ATP10B: variants seen among roughly 807,000 people sequenced by gnomAD.
The protein encoded by ATP10B is phospholipid-transporting ATPase VB.
A neutral mutation model predicts 141.2 loss-of-function variants in ATP10B; 122 were observed. The observed-to-expected ratio is 0.86, with a 90% CI of 0.75 to 1.00. The LOEUF (loss-of-function observed/expected upper bound fraction) is 1.00, where lower values mean the gene tolerates loss of function less well. Among genes scored for constraint, ATP10B ranks in the 50% least tolerant of loss-of-function variants. ATP10B has a pLI of 0.00. For missense variants in ATP10B, 1,876 were observed against 1,825.3 expected (o/e 1.03, Z -0.51); for synonymous variants, 685 against 692.0 (o/e 0.99, Z 0.16).
chr5:160,728,270 C>T (rs910850133), intron 2 of ATP10B, among the ~76,000 whole-genome samples: 2 of 152,068 alleles, frequency 1.3e-5, no homozygotes, highest in African/African-American at 4.8e-5. Context: ...TGCCTGAAAA[C>T]CTATTTGGAA....
chr5:160,928,015 CAG>C, the ATP10B span, among the ~76,000 whole-genome samples: 59,642 of 151,792 alleles, frequency 0.39, 11,860 homozygotes, highest in East Asian at 0.54. Context: ...GAGAAGGAAA[CAG>C]AGCAACAGCC....
intron 6 of ATP10B, among the ~76,000 whole-genome samples, chr5:160,678,111 C>A (rs892428323): frequency 2.0e-5 from 3 of 152,144 alleles, no homozygotes; most frequent in Non-Finnish European, 2.9e-5. Context: ...GACAGTTTTG[C>A]TGAATTCAGA....
chr5:160,673,348 C>G (rs1428033414), intron 6 of ATP10B, among the ~76,000 whole-genome samples: 1 of 152,092 alleles, frequency 6.6e-6, no homozygotes, highest in Non-Finnish European at 1.5e-5. Context: ...TTCGTACAGG[C>G]ATGCAATGTG....
chr5:160,617,256 C>T (rs1190286609), intron 16 of ATP10B, among the ~76,000 whole-genome samples: 1 of 152,228 alleles, frequency 6.6e-6, no homozygotes, highest in African/African-American at 2.4e-5. Flanking sequence ...GCCTGCCTTG[C>T]AGAAGTTGCA....
chr5:160,715,523 C>G (rs1765573186), intron 3 of ATP10B, among the ~76,000 whole-genome samples: 1 of 146,186 alleles, frequency 6.8e-6, no homozygotes, highest in Admixed American at 6.8e-5. Flanking sequence ...CTGGCACTCC[C>G]TAGTGAGATG....
At chr5:160,748,022 C>T (rs1174330273) in intron 2 of ATP10B, among the ~76,000 whole-genome samples, 3 of 143,888 alleles carry the variant, frequency 2.1e-5, no homozygotes, top group African/African-American at 7.8e-5. Context: ...AAAAAGCGGC[C>T]GGGGTTGTGG....
chr5:160,824,502 C>G (rs1026953491), intron 1 of ATP10B, among the ~76,000 whole-genome samples: 1 of 152,126 alleles, frequency 6.6e-6, no homozygotes, highest in Admixed American at 6.5e-5. Context: ...AATGGGCCAA[C>G]AATCTGAGAA....
At chr5:160,754,248 A>C (rs1768357021) in intron 2 of ATP10B, among the ~76,000 whole-genome samples, 1 of 152,188 alleles carries the variant, frequency 6.6e-6, no homozygotes, top group Admixed American at 6.5e-5. Flanking sequence ...CATCTTCCCA[A>C]ACACTGTCCA....
intron 3 of ATP10B, among the ~76,000 whole-genome samples, chr5:160,697,377 A>C (rs1203512418): frequency 6.6e-6 from 1 of 152,164 alleles, no homozygotes; most frequent in Non-Finnish European, 1.5e-5. Flanking sequence ...GCCGAACTTT[A>C]GCATTCCCAT....
At chr5:160,615,173 T>C (rs1757927417) in intron 17 of ATP10B, among the ~76,000 whole-genome samples, 1 of 152,204 alleles carries the variant, frequency 6.6e-6, no homozygotes, top group Non-Finnish European at 1.5e-5. Context: ...CTGATTGACA[T>C]GACCCTTCAT....
the ATP10B span, among the ~76,000 whole-genome samples, chr5:160,919,685 G>C: frequency 6.6e-6 from 1 of 152,150 alleles, no homozygotes; most frequent in Non-Finnish European, 1.5e-5. Context: ...ACTGATCTCT[G>C]TCATGTCAAT....
chr5:160,689,039 T>A (rs530850643), intron 3 of ATP10B, 96 bp from the exon 4 acceptor site: 3 of 586,658 alleles, frequency 5.1e-6, no homozygotes, highest in Non-Finnish European at 6.4e-6. Flanking sequence ...CACCATCGAG[T>A]CAGCTTCATC....
chr5:160,643,585 A>T (rs1177997914), intron 9 of ATP10B, among the ~76,000 whole-genome samples: 8 of 152,232 alleles, frequency 5.3e-5, no homozygotes, highest in Admixed American at 5.2e-4. Context: ...TGGGAAGGAG[A>T]GATAGGCCTC....
chr5:160,634,424 G>A lies in ATP10B; in HGVS notation c.1311C>T (p.Thr437=), dbSNP rs759874469. The A allele has an allele frequency of 6.2e-7, 1 of 1,614,118 alleles. No individual in the cohort carries two copies. The highest frequency in any genetic ancestry group is 1.3e-5 in the African/African-American group (1 of 75,026). ...GGAACACCATCTTGTTCTCTGTCAG[G>A]GTCCCCGTCTTATCGGAGAAGATGT... The part of the protein sequence containing the change: ...IQYIFSDKTG[T]LTENKMVFRR... The change falls in exon 12 of 26, where the codon ACC becomes ACT. Residue 437 remains threonine (T), a synonymous_variant. Transcript: ENST00000327245.
At chr5:160,814,329 G>A (rs186228086) in intron 1 of ATP10B, among the ~76,000 whole-genome samples, 7 of 152,276 alleles carry the variant, frequency 4.6e-5, no homozygotes, top group East Asian at 1.9e-4. Context: ...AGAGAACTAC[G>A]TGATGAATGC....
chr5:160,928,556 T>C, the ATP10B span, among the ~76,000 whole-genome samples: 1 of 152,170 alleles, frequency 6.6e-6, no homozygotes, highest in Non-Finnish European at 1.5e-5. Flanking sequence ...AGTTAACTTC[T>C]CGGAGTCTCA....
At chr5:160,863,857 A>G in the ATP10B span, among the ~76,000 whole-genome samples, 1 of 151,968 alleles carries the variant, frequency 6.6e-6, no homozygotes, top group Admixed American at 6.6e-5. Flanking sequence ...GGAGATGGAT[A>G]AGTTCCTGGA....
intron 1 of ATP10B, among the ~76,000 whole-genome samples, chr5:160,789,152 A>G (rs569398513): frequency 3.9e-5 from 6 of 152,180 alleles, no homozygotes; most frequent in Non-Finnish European, 5.9e-5. Flanking sequence ...AGACAGGCCA[A>G]TTGATTCAAG....
intron 3 of ATP10B, among the ~76,000 whole-genome samples, chr5:160,703,481 G>GT (rs34636305): frequency 2.8e-4 from 42 of 147,956 alleles, no homozygotes; most frequent in Admixed American, 8.7e-4. Context: ...GATGATATTT[G>GT]TTTTTTTTTT....
Sources: gnomAD v4.1 joint callset for allele counts (sites outside exome capture counted in the v4.1 genomes callset) on GRCh38, gnomAD v4.1.1 for gene constraint, MANE v1.5 for transcripts, NCBI Gene and HGNC (gene_info 2026-07-23, HGNC 2026-07-21) for gene names.